FAM118B: variants seen among roughly 807,000 people sequenced by gnomAD.
The protein encoded by FAM118B is SIR2 antiphage like 1.
Under a neutral mutation model 38.5 loss-of-function variants are expected in FAM118B, and 24 were observed. The observed-to-expected ratio is 0.62, with a 90% CI of 0.45 to 0.88. The LOEUF (loss-of-function observed/expected upper bound fraction) is 0.88. Ranked by LOEUF, FAM118B falls within the 40% of genes least tolerant of loss-of-function variation. The pLI is 0.00. For synonymous variants in FAM118B, 138 were observed against 156.3 expected (o/e 0.88, Z 0.87); for missense variants, 334 against 420.0 (o/e 0.80, Z 1.79).
chr11:126,261,105 C>T, intron 7 of FAM118B: 1 of 230,642 alleles, frequency 4.3e-6, no homozygotes, highest in Non-Finnish European at 8.5e-6. Flanking sequence ...TTTACCGAAA[C>T]TTGGCCCTCT....
intron 1 of FAM118B, chr11:126,214,527 TACCTCTATA>T (rs1949954490): frequency 1.1e-4 from 13 of 123,266 alleles, no homozygotes; most frequent in South Asian, 5.9e-4. Flanking sequence ...TTTTTTTTTT[TACCTCTATA>T]TTGCCTCCTC....
chr11:126,234,214 TTG>T (rs1565330351), intron 2 of FAM118B, among the ~76,000 whole-genome samples: 1 of 152,236 alleles, frequency 6.6e-6, no homozygotes, highest in Non-Finnish European at 1.5e-5. Flanking sequence ...GTCTTCTATA[TTG>T]TGTGTGTGTT....
At chr11:126,234,730 C>G (rs1300768215) in intron 2 of FAM118B, among the ~76,000 whole-genome samples, 2 of 152,150 alleles carry the variant, frequency 1.3e-5, no homozygotes, top group African/African-American at 2.4e-5. Context: ...TTGGTGGGAA[C>G]TTGGGGGCAG....
chr11:126,235,987 C>A (rs1950269711), intron 3 of FAM118B, among the ~76,000 whole-genome samples: 1 of 150,980 alleles, frequency 6.6e-6, no homozygotes, highest in Non-Finnish European at 1.5e-5. Flanking sequence ...TTCTCACATG[C>A]TCTGACAGAA....
In FAM118B at chr11:126,250,746, G is replaced by A; in HGVS notation, c.567+13G>A. On this transcript the variant is annotated intron_variant, in intron 5 of 8. Transcript: ENST00000533050. This position sits in a 1 kb window ranked among gnomAD's most constrained non-coding sequence, Gnocchi z 5.1. ...TGATGAGAAAAAGGTAAAAAGTAAA[G>A]CATTGGTCCCTTCTTCAGGCTAGTG... The A allele has an allele frequency of 1.3e-6, 2 of 1,572,166 alleles. No homozygotes were observed. The highest frequency in any genetic ancestry group is 1.7e-6 in the Non-Finnish European group (2 of 1,143,970).
intron 1 of FAM118B, among the ~76,000 whole-genome samples, chr11:126,222,478 A>T (rs994991395): frequency 6.6e-6 from 1 of 152,234 alleles, no homozygotes; most frequent in Non-Finnish European, 1.5e-5. Flanking sequence ...AGGAAAGTGC[A>T]TGTAGCTTTG....
At chr11:126,236,802 G>A (rs192199624) in intron 3 of FAM118B, among the ~76,000 whole-genome samples, 20 of 149,210 alleles carry the variant, frequency 1.3e-4, no homozygotes, top group African/African-American at 4.7e-4. Context: ...TAGCTTTCTC[G>A]GGGGTTCTCT....
chr11:126,251,579 C>T (rs1376525953), intron 5 of FAM118B, among the ~76,000 whole-genome samples: 1 of 152,200 alleles, frequency 6.6e-6, no homozygotes, highest in Admixed American at 6.5e-5. Flanking sequence ...CCCTCATATT[C>T]TGTATGGTCA....
chr11:126,240,095 C>A (rs1180844828), intron 3 of FAM118B, among the ~76,000 whole-genome samples: 2 of 152,122 alleles, frequency 1.3e-5, no homozygotes, highest in Non-Finnish European at 2.9e-5. Context: ...GGAACAAAAA[C>A]AAAAATTAGC....
intron 3 of FAM118B, among the ~76,000 whole-genome samples, chr11:126,236,002 A>C (rs1950269806): frequency 6.6e-6 from 1 of 152,216 alleles, no homozygotes; most frequent in South Asian, 2.1e-4. Flanking sequence ...ACAGAAGAAT[A>C]AATCTCCTAG....
chr11:126,254,393 C>T lies in FAM118B; in HGVS notation c.656C>T (p.Pro219Leu). 6.2e-7 allele frequency: 1 copy of T among 1,614,198 alleles called. No homozygotes were observed. The highest frequency in any genetic ancestry group is 2.2e-5 in the East Asian group (1 of 44,888). Reference protein sequence around the residue: ...YTNPSGIVLHPAGYQNVLRNT... With the variant: ...YTNPSGIVLHLAGYQNVLRNT... The stretch of plus-strand genomic sequence containing the variant: ...AACCCTAGTGGCATTGTCCTTCATC[C>T]GGCTGGATATCAGAACGTGCTCAGG... The change falls in exon 6 of 9, where the codon CCG becomes CTG. Residue 219 changes from proline (P) to leucine (L), a missense_variant. Physicochemically the swap from Pro to Leu is moderately conservative, Grantham distance 98 (BLOSUM62 -3). Around this residue, in one of 3 missense-constraint regions of FAM118B, gnomAD observed 240 missense variants for 295.9 expected, o/e 0.81. Transcript: ENST00000533050.
At chr11:126,236,148 A>T (rs902403724) in intron 3 of FAM118B, among the ~76,000 whole-genome samples, 3 of 152,156 alleles carry the variant, frequency 2.0e-5, no homozygotes, top group African/African-American at 4.8e-5. Flanking sequence ...CATCATCCTG[A>T]TAATTTCCTT....
In FAM118B at chr11:126,262,324, G is replaced by T; in HGVS notation, c.*191G>T. On this transcript the variant is annotated 3_prime_UTR_variant, in exon 9 of 9. Coordinates refer to ENST00000533050, the MANE Select transcript of FAM118B (RefSeq NM_024556.4). ...CATACCACCTGGTTCTTGATATTCT[G>T]CCGCCTGTTCAAGTTCAAGAATAAA... is the stretch of plus-strand genomic sequence containing the variant. 1.7e-6 allele frequency: 1 copy of T among 594,482 alleles called. No individual in the cohort carries two copies. The allele number at this position is 594,482 out of a possible 1,614,324, so 36.8% of individuals were successfully genotyped here.
intron 4 of FAM118B, among the ~76,000 whole-genome samples, chr11:126,243,183 T>G (rs78741192): frequency 0.017 from 2,516 of 152,338 alleles, 73 homozygotes; most frequent in African/African-American, 0.054. Flanking sequence ...GATTATTGCT[T>G]GACAGGGCTA....
At chr11:126,224,218 A>T (rs1405692891) in intron 1 of FAM118B, among the ~76,000 whole-genome samples, 1 of 152,140 alleles carries the variant, frequency 6.6e-6, no homozygotes, top group Non-Finnish European at 1.5e-5. Context: ...CTCGCCTTTA[A>T]TCCCAGCACT....
At chr11:126,214,488 C>CTTTTTTTTTTTTTTTTTTTTT (rs1565322268) in intron 1 of FAM118B, 1 of 34,852 alleles carries the variant, frequency 2.9e-5, no homozygotes, top group Non-Finnish European at 5.9e-5. Flanking sequence ...TCTTTTGTTT[C>CTTTTTTTTTTTTTTTTTTTTT]TGTTTTTTTT....
intron 3 of FAM118B, 133 bp from the exon 4 acceptor site, chr11:126,240,657 GGT>G (rs199973466): frequency 0.023 from 18,713 of 821,236 alleles, 272 homozygotes; most frequent in Middle Eastern, 0.034. Context: ...GCTTTGGAAA[GGT>G]GTCAAAAACT....
Position 126,243,843 on chromosome 11 carries a change from G to C in FAM118B, c.339+2799G>C, listed in dbSNP as rs139687672. On this transcript the variant is annotated intron_variant, in intron 4 of 8. Transcript: ENST00000533050. Reference sequence around the variant, plus strand: ...TGCTGGAACCCGGGAGGCAGGGGCTGCAGTGAGCCAAGATCGCACCACTGC... The same window carrying C: ...TGCTGGAACCCGGGAGGCAGGGGCTCCAGTGAGCCAAGATCGCACCACTGC... 4.0e-4 allele frequency among the ~76,000 whole-genome samples: 61 copies of C among 151,012 alleles called. No individual in the cohort carries two copies. The East Asian group carries it at 0.011, about 27-fold the overall frequency.
rs1356629536 is a variant in FAM118B at position 126,234,908 on chromosome 11, CTTTTT to C, written c.-7-85_-7-81del. Reference sequence around the variant, plus strand: ...CCAAAACACCTTTAAGGGTATACAGCTTTTTTAAACTGTTTAATATATGTGCTATT... The same window carrying C: ...CCAAAACACCTTTAAGGGTATACAGCTAAACTGTTTAATATATGTGCTATT... On this transcript the variant is annotated intron_variant, in intron 2 of 8. Coordinates refer to ENST00000533050, the MANE Select transcript of FAM118B (RefSeq NM_024556.4). 7 of 1,075,710 alleles carry C rather than the reference CTTTTT, an allele frequency of 6.5e-6. No homozygotes were observed. In the African/African-American group the frequency reaches 9.5e-5, roughly 15 times the overall value. The allele number at this position is 1,075,710 out of a possible 1,614,324, so 66.6% of individuals were successfully genotyped here.
Sources: gnomAD v4.1 joint callset for allele counts (sites outside exome capture counted in the v4.1 genomes callset) on GRCh38, gnomAD v4.1.1 for gene constraint, gnomAD v4.1.1 regional missense constraint, Gnocchi (gnomAD v3.1) non-coding constraint, MANE v1.5 for transcripts, NCBI Gene and HGNC (gene_info 2026-07-23, HGNC 2026-07-21) for gene names.